Variants in FXR1 observed in about 807,000 individuals in gnomAD.
The protein encoded by FXR1 is FMR1 autosomal homolog 1, also known as RNA-binding protein FXR1.
A neutral mutation model predicts 84.0 loss-of-function variants in FXR1; 15 were observed. That is an observed-to-expected ratio of 0.18 (90% CI 0.12 to 0.27). FXR1 has a LOEUF of 0.27. Ranked by LOEUF, FXR1 falls within the 10% of genes least tolerant of loss-of-function variation. The pLI, the probability that FXR1 is intolerant of heterozygous loss-of-function variation, is 1.00. For synonymous variants in FXR1, 245 were observed against 250.7 expected, an observed-to-expected ratio of 0.98 and a Z score of 0.21; for missense variants, 480 against 774.4, an observed-to-expected ratio of 0.62 and a Z score of 4.51.
At chr3:180,915,647 C>T (rs1717803957) in intron 1 of FXR1, 3 of 713,650 alleles carry the variant, frequency 4.2e-6, no homozygotes, top group Admixed American at 2.0e-5. Flanking sequence ...CTGAATTTCC[C>T]TTTTTTCCCC....
chr3:180,954,059 GACTC>G (rs943677268), intron 9 of FXR1: 2 of 415,748 alleles, frequency 4.8e-6, no homozygotes, highest in African/African-American at 4.1e-5. Flanking sequence ...TGTACAGGAT[GACTC>G]ACTAATAAGG....
At position 180,935,094 on chromosome 3, in the gene FXR1, C is replaced by G. The variant is rs757814065; in HGVS notation, c.105-44C>G. ...AAAAATATGCAACACCAGGCGTAGACTATATATTTTTAAGTTGTTAATACA... is the reference window on the plus strand; with the variant it reads ...AAAAATATGCAACACCAGGCGTAGAGTATATATTTTTAAGTTGTTAATACA... On this transcript the variant is annotated intron_variant, in intron 2 of 16. Transcript: ENST00000357559. 3.6e-5 allele frequency: 32 copies of G among 880,814 alleles called. No homozygotes were observed. In the African/African-American group the frequency reaches 4.2e-4, roughly 12 times the overall value. The allele number at this position is 880,814 out of a possible 1,614,324, so 54.6% of individuals were successfully genotyped here.
chr3:180,958,596 G>GTA (rs957962930), intron 10 of FXR1, among the ~76,000 whole-genome samples: 30 of 151,920 alleles, frequency 2.0e-4, no homozygotes, highest in African/African-American at 6.5e-4. Context: ...ATATTCCATG[G>GTA]TATATATATA....
chr3:180,916,658 C>T (rs1413055380), intron 1 of FXR1, among the ~76,000 whole-genome samples: 3 of 152,144 alleles, frequency 2.0e-5, no homozygotes, highest in African/African-American at 7.2e-5. Context: ...TCGCCCTCCT[C>T]GGCCTCCCAA....
rs1385543082 is a variant in FXR1 at position 180,977,214 on chromosome 3, A to G, written c.*922A>G. ...CAATTGTTGCAAAATAGTTGGAGCT[A>G]TTAATAGGCTTAGGATAGTATACTT... On this transcript the variant is annotated 3_prime_UTR_variant, in exon 17 of 17. Coordinates refer to ENST00000357559, the MANE Select transcript of FXR1 (RefSeq NM_005087.4). 6.6e-6 allele frequency: 1 copy of G among 152,408 alleles called. No homozygotes were observed. The highest frequency in any genetic ancestry group is 2.1e-4 in the South Asian group (1 of 4,836). The allele number at this position is 152,408 out of a possible 1,614,324, so 9.4% of individuals were successfully genotyped here. A position where few individuals can be genotyped will look rare whatever the true frequency, so the allele number is the denominator to read the frequency against.
At chr3:180,972,169 A>T (rs1216213835) in intron 15 of FXR1, among the ~76,000 whole-genome samples, 2 of 152,160 alleles carry the variant, frequency 1.3e-5, no homozygotes, top group African/African-American at 4.8e-5. Context: ...TTAATGTTGG[A>T]AATATATTTT....
At chr3:180,931,451 TC>T (rs1188009200) in intron 1 of FXR1, among the ~76,000 whole-genome samples, 1 of 152,170 alleles carries the variant, frequency 6.6e-6, no homozygotes, top group Non-Finnish European at 1.5e-5. Context: ...ACTCCTGACC[TC>T]AGGTGATCTG....
At chr3:180,975,854 G>A (rs1327790837) in intron 16 of FXR1, among the ~76,000 whole-genome samples, 1 of 152,104 alleles carries the variant, frequency 6.6e-6, no homozygotes, top group East Asian at 1.9e-4. Context: ...GCTTTCCAGT[G>A]TTTTAAAATT....
intron 9 of FXR1, among the ~76,000 whole-genome samples, chr3:180,957,260 C>T (rs1711504552): frequency 6.6e-6 from 1 of 152,136 alleles, no homozygotes; most frequent in Non-Finnish European, 1.5e-5. Context: ...ATATCATGTA[C>T]ATGCTTTATG....
At position 180,976,196 on chromosome 3, in the gene FXR1, C is replaced by A. The variant is rs1577014891; in HGVS notation, c.1770C>A (p.Asp590Glu). 6.2e-7 allele frequency: 1 copy of A among 1,612,386 alleles called. No homozygotes were observed. Among genetic ancestry groups the A allele is most frequent in the Non-Finnish European group, 8.5e-7 (1 of 1,178,510 alleles). ...INGPTSASGD[D>E]ISKLQRTPGE... ...GCCCAACTAGTGCTTCTGGCGATGACATTTCTAAGCTACAGCGTACTCCAG... is the reference window on the plus strand; with the variant it reads ...GCCCAACTAGTGCTTCTGGCGATGAAATTTCTAAGCTACAGCGTACTCCAG... The change falls in exon 17 of 17, where the codon GAC becomes GAA. Residue 590 changes from aspartate (D) to glutamate (E), a missense_variant. Coordinates refer to ENST00000357559, the MANE Select transcript of FXR1 (RefSeq NM_005087.4).
chr3:180,914,277 A>G (rs1717615264), intron 1 of FXR1, among the ~76,000 whole-genome samples: 1 of 152,198 alleles, frequency 6.6e-6, no homozygotes, highest in Non-Finnish European at 1.5e-5. Flanking sequence ...GGACTACTGC[A>G]GATACAGTTC....
intron 3 of FXR1, among the ~76,000 whole-genome samples, chr3:180,945,799 T>A (rs896922033): frequency 2.6e-5 from 4 of 152,246 alleles, no homozygotes; most frequent in Non-Finnish European, 2.9e-5. Flanking sequence ...TTTTGCATGA[T>A]GGAGTCTCAG....
At chr3:180,955,814 G>T (rs571590709) in intron 9 of FXR1, among the ~76,000 whole-genome samples, 32 of 152,288 alleles carry the variant, frequency 2.1e-4, no homozygotes, top group Non-Finnish European at 3.7e-4. Context: ...AGAAAATTGG[G>T]TATATTTGTA....
chr3:180,942,636 T>C (rs147652448), intron 3 of FXR1, among the ~76,000 whole-genome samples: 4 of 152,190 alleles, frequency 2.6e-5, no homozygotes, highest in African/African-American at 9.6e-5. Context: ...TTAAAATGAG[T>C]GCTATTGTGT....
Position 180,949,285 on chromosome 3 carries a change from G to A in FXR1, c.572G>A (p.Ser191Asn). Residue 191 changes from serine to asparagine, a missense_variant, in exon 7 of 17, where the codon AGT becomes AAT. Ser to Asn is a conservative substitution (Grantham distance 46). Around this residue, in one of 6 missense-constraint regions of FXR1, gnomAD observed 136 missense variants for 315.4 expected, o/e 0.43. Transcript: ENST00000357559. ...VNILSDMHLR[S>N]IRTKLMLMSR... ...ATCTTAAGTGACATGCATTTGCGAAGTATTCGTACGAAGTTGATGCTTATG... is the reference window on the plus strand; with the variant it reads ...ATCTTAAGTGACATGCATTTGCGAAATATTCGTACGAAGTTGATGCTTATG... 6.2e-7 allele frequency: 1 copy of A among 1,605,890 alleles called. No homozygotes were observed. Among genetic ancestry groups the A allele is most frequent in the East Asian group, 2.2e-5 (1 of 44,848 alleles).
At chr3:180,952,369 A>C (rs1722311755) in intron 8 of FXR1, among the ~76,000 whole-genome samples, 1 of 152,142 alleles carries the variant, frequency 6.6e-6, no homozygotes, top group South Asian at 2.1e-4. Context: ...TAATTTCAAA[A>C]CCTTTAAAAG....
At chr3:180,932,475 C>G (rs1359936865) in intron 1 of FXR1, among the ~76,000 whole-genome samples, 1 of 152,136 alleles carries the variant, frequency 6.6e-6, no homozygotes. Flanking sequence ...GTGGTGGAAT[C>G]AGGATTTCAG....
intron 1 of FXR1, among the ~76,000 whole-genome samples, chr3:180,931,742 T>A (rs948993808): frequency 7.0e-6 from 1 of 142,762 alleles, no homozygotes; most frequent in East Asian, 2.0e-4. Context: ...GTTGTGGGTT[T>A]TTTTTTTTTT....
chr3:180,913,609 G>A (rs1717514747), intron 1 of FXR1, among the ~76,000 whole-genome samples: 1 of 152,132 alleles, frequency 6.6e-6, no homozygotes, highest in African/African-American at 2.4e-5. Flanking sequence ...AAACGTAAGA[G>A]GAATAGAGTA....
Sources: gnomAD v4.1 joint callset for allele counts (sites outside exome capture counted in the v4.1 genomes callset) on GRCh38, gnomAD v4.1.1 for gene constraint, gnomAD v4.1.1 regional missense constraint, MANE v1.5 for transcripts, NCBI Gene and HGNC (gene_info 2026-07-23, HGNC 2026-07-21) for gene names.